Variants in C5orf24 observed in about 807,000 individuals in gnomAD.
C5orf24 encodes the protein UPF0461 protein C5orf24.
A neutral mutation model predicts 9.8 loss-of-function variants in C5orf24; 4 were observed. That is an observed-to-expected ratio of 0.41 (90% CI 0.20 to 0.93). C5orf24 has a LOEUF of 0.93. Ranked by LOEUF, C5orf24 falls within the 40% of genes least tolerant of loss-of-function variation. C5orf24 has a pLI of 0.33. For missense variants in C5orf24, 170 were observed against 236.9 expected (o/e 0.72, Z 1.85); for synonymous variants, 73 against 81.3 (o/e 0.90, Z 0.55).
upstream of C5orf24, among the ~76,000 whole-genome samples, chr5:134,841,965 A>G (rs912245994): frequency 5.3e-5 from 8 of 152,178 alleles, no homozygotes; most frequent in Admixed American, 4.6e-4. Context: ...CTAAAAAACT[A>G]GGACAGTGGG....
rs184310512 is a variant in C5orf24, at chr5:134,852,758, C to A, written c.-3-2140C>A. Among the ~76,000 whole-genome samples, 106 of 152,336 alleles carry A rather than the reference C, an allele frequency of 7.0e-4. No homozygotes were observed. The East Asian group carries it at 0.017, about 25-fold the overall frequency. ...TCTCTATAAAACTGTCATTTCCAGC[C>A]AGGCACGGTGGCTCACGCCTATAAT... On this transcript the variant is annotated intron_variant, in intron 1 of 1. Coordinates refer to ENST00000394976, the MANE Select transcript of C5orf24 (RefSeq NM_001135586.1).
At chr5:134,851,902 C>G (rs540672815) in intron 1 of C5orf24, among the ~76,000 whole-genome samples, 1 of 152,158 alleles carries the variant, frequency 6.6e-6, no homozygotes, top group Non-Finnish European at 1.5e-5. Flanking sequence ...TTTTTCTCAT[C>G]TGAAATTAGA....
intron 1 of C5orf24, among the ~76,000 whole-genome samples, chr5:134,850,919 C>CATATATATATATATATATATATATAT (rs201093286): frequency 1.0e-4 from 14 of 140,442 alleles, no homozygotes; most frequent in African/African-American, 3.3e-4. Context: ...TATGAATGTT[C>CATATATATATATATATATATATATAT]ATATATATAT....
chr5:134,846,112 TGCAGAGGCG>T lies in C5orf24; in HGVS notation c.-101_-93del, dbSNP rs2150171097. 6.6e-6 allele frequency: 1 copy of T among 152,310 alleles called. No individual in the cohort carries two copies. Among genetic ancestry groups the T allele is most frequent in the South Asian group, 2.1e-4 (1 of 4,832 alleles). The allele number at this position is 152,310 out of a possible 1,614,324, so 9.4% of individuals were successfully genotyped here. A position where few individuals can be genotyped will look rare whatever the true frequency, so the allele number is the denominator to read the frequency against. On this transcript the variant is annotated 5_prime_UTR_variant, in exon 1 of 2. Coordinates refer to ENST00000394976, the MANE Select transcript of C5orf24 (RefSeq NM_001135586.1). The stretch of plus-strand genomic sequence containing the variant: ...CCGTCTTGGCCCGTTCTCCGCACCG[TGCAGAGGCG>T]GCGGGCTGGGGAGGGAGCGGCGCCA...
chr5:134,845,932 G>T (rs1184169454), upstream of C5orf24: 2 of 152,238 alleles, frequency 1.3e-5, no homozygotes, highest in African/African-American at 4.8e-5. Flanking sequence ...GAGCGTGTGC[G>T]TGCGCGGCCC....
In C5orf24 at chr5:134,855,564, G is replaced by T; in HGVS notation, c.*97G>T. 1 of 1,493,814 alleles carries T rather than the reference G, an allele frequency of 6.7e-7. No individual in the cohort carries two copies. Among genetic ancestry groups the T allele is most frequent in the Non-Finnish European group, 9.0e-7 (1 of 1,116,258 alleles). The allele number at this position is 1,493,814 out of a possible 1,614,324, so 92.5% of individuals were successfully genotyped here. A position where few individuals can be genotyped will look rare whatever the true frequency, so the allele number is the denominator to read the frequency against. ...TGATATACATAATTTTATGGCCTGG[G>T]CTTTCCAAATTTGTTTTCCTGTTTG... On this transcript the variant is annotated 3_prime_UTR_variant, in exon 2 of 2. Transcript: ENST00000394976.
At chr5:134,847,279 A>G (rs897182481) in intron 1 of C5orf24, among the ~76,000 whole-genome samples, 1 of 152,094 alleles carries the variant, frequency 6.6e-6, no homozygotes, top group African/African-American at 2.4e-5. Flanking sequence ...TCAGGGAACT[A>G]TTTATTGGTT....
intron 1 of C5orf24, among the ~76,000 whole-genome samples, chr5:134,847,403 C>T (rs1429640357): frequency 6.6e-6 from 1 of 151,962 alleles, no homozygotes; most frequent in Non-Finnish European, 1.5e-5. Flanking sequence ...TCAAGCAATT[C>T]TCCTGCCTCA....
At chr5:134,838,416 A>T in the C5orf24 span, among the ~76,000 whole-genome samples, 2 of 152,302 alleles carry the variant, frequency 1.3e-5, no homozygotes, top group African/African-American at 4.8e-5. Context: ...CACGCCTGTA[A>T]TCCCAGCACT....
chr5:134,836,374 T>C, the C5orf24 span, among the ~76,000 whole-genome samples: 1 of 152,150 alleles, frequency 6.6e-6, no homozygotes, highest in Admixed American at 6.5e-5. Flanking sequence ...GGTTTTACCA[T>C]GTTGGTCAGG....
rs1756044349 is a variant in C5orf24 at position 134,848,030 on chromosome 5, G to A, written c.-4+1818G>A. Among the ~76,000 whole-genome samples, 2 of 151,784 alleles carry A rather than the reference G, an allele frequency of 1.3e-5. 1 individual carries two copies. The highest frequency in any genetic ancestry group is 1.3e-4 in the Admixed American group (2 of 15,236). On this transcript the variant is annotated intron_variant, in intron 1 of 1. Coordinates refer to ENST00000394976, the MANE Select transcript of C5orf24 (RefSeq NM_001135586.1). The stretch of plus-strand genomic sequence containing the variant: ...TCTGACTCTTAAGAAATGTGGCTTG[G>A]GACCGGTCGCGGTGGCTGTGGCCTG...
At chr5:134,838,599 G>A in the C5orf24 span, among the ~76,000 whole-genome samples, 2 of 152,130 alleles carry the variant, frequency 1.3e-5, no homozygotes, top group African/African-American at 4.8e-5. Flanking sequence ...CCGAGATCAC[G>A]CCACCACATT....
At chr5:134,838,885 G>A in the C5orf24 span, among the ~76,000 whole-genome samples, 17 of 151,928 alleles carry the variant, frequency 1.1e-4, no homozygotes, top group African/African-American at 3.4e-4. Context: ...AGTACATTAT[G>A]TATGTATTGT....
chr5:134,852,945 C>T (rs1437628146), intron 1 of C5orf24, among the ~76,000 whole-genome samples: 1 of 152,176 alleles, frequency 6.6e-6, no homozygotes, highest in Admixed American at 6.6e-5. Flanking sequence ...GCAGGCAGAT[C>T]ACGAGGTCAG....
At chr5:134,837,410 G>A in the C5orf24 span, among the ~76,000 whole-genome samples, 13 of 152,160 alleles carry the variant, frequency 8.5e-5, no homozygotes, top group Admixed American at 1.3e-4. Flanking sequence ...CATATGGTAA[G>A]CATTCAATAA....
At position 134,858,464 on chromosome 5, in the gene C5orf24, T is replaced by G. The variant is rs773329776; in HGVS notation, c.*2997T>G. The stretch of plus-strand genomic sequence containing the variant: ...GTTGCCTATACTTTAATATAATCAG[T>G]TGGGGAAAACTGGCCTTTTCTCCCC... On this transcript the variant is annotated 3_prime_UTR_variant, in exon 2 of 2. Coordinates refer to ENST00000394976, the MANE Select transcript of C5orf24 (RefSeq NM_001135586.1). 6.0e-6 allele frequency: 1 copy of G among 166,980 alleles called. No individual in the cohort carries two copies. The highest frequency in any genetic ancestry group is 2.1e-4 in the South Asian group (1 of 4,836). The allele number at this position is 166,980 out of a possible 1,614,324, so 10.3% of individuals were successfully genotyped here.
At position 134,848,774 on chromosome 5, in the gene C5orf24, A is replaced by C. The variant is rs1469225596; in HGVS notation, c.-4+2562A>C. ...TCAGGAGTTCGAGACCAGCCTGACT[A>C]ACATGGTGAAACGTCGTCTCTACCG... On this transcript the variant is annotated intron_variant, in intron 1 of 1. Transcript: ENST00000394976. Among the ~76,000 whole-genome samples, 5 of 151,050 alleles carry C rather than the reference A, an allele frequency of 3.3e-5. No homozygotes were observed. The East Asian group carries it at 7.8e-4, about 24-fold the overall frequency.
chr5:134,853,528 C>CTTCTTTTTTTTTTT (rs1756223114), intron 1 of C5orf24, among the ~76,000 whole-genome samples: 2 of 104,240 alleles, frequency 1.9e-5, no homozygotes, highest in African/African-American at 7.1e-5. Context: ...TCTTCTTCTT[C>CTTCTTTTTTTTTTT]TTTTTTTTTT....
At chr5:134,839,746 A>G in the C5orf24 span, among the ~76,000 whole-genome samples, 8 of 150,348 alleles carry the variant, frequency 5.3e-5, no homozygotes, top group African/African-American at 9.8e-5. Flanking sequence ...CTGGAGTGCA[A>G]TGGCGCAGTC....
Sources: gnomAD v4.1 joint callset for allele counts (sites outside exome capture counted in the v4.1 genomes callset) on GRCh38, gnomAD v4.1.1 for gene constraint, MANE v1.5 for transcripts, NCBI Gene and HGNC (gene_info 2026-07-23, HGNC 2026-07-21) for gene names.